MCMBP: variants seen among roughly 807,000 people sequenced by gnomAD.
The protein encoded by MCMBP is minichromosome maintenance complex binding protein.
MCMBP carries 31 observed loss-of-function variants against 81.3 expected under a neutral mutation model. That is an observed-to-expected ratio of 0.38 (90% CI 0.29 to 0.51). MCMBP has a LOEUF of 0.51. Ranked by LOEUF, MCMBP falls within the 20% of genes least tolerant of loss-of-function variation. MCMBP has a pLI of 0.87. For synonymous variants in MCMBP, 267 were observed against 275.9 expected, an observed-to-expected ratio of 0.97 and a Z score of 0.32; for missense variants, 645 against 772.1, an observed-to-expected ratio of 0.84 and a Z score of 1.95.
chr10:119,869,852 T>C (rs578192806), intron 1 of MCMBP, among the ~76,000 whole-genome samples: 1 of 152,308 alleles, frequency 6.6e-6, no homozygotes, highest in East Asian at 1.9e-4. Context: ...TAGCATCACA[T>C]ACTAAAAAGC....
chr10:119,867,585 A>G, intron 1 of MCMBP, among the ~76,000 whole-genome samples: 1 of 152,146 alleles, frequency 6.6e-6, no homozygotes, highest in East Asian at 1.9e-4. Context: ...ATGTTGTGCC[A>G]ATCAGATTTT....
In MCMBP at chr10:119,831,340, C is replaced by A. The variant is rs1460629070; in HGVS notation, c.*134G>T. 9.5e-7 allele frequency: 1 copy of A among 1,054,718 alleles called. No homozygotes were observed. Among genetic ancestry groups the A allele is most frequent in the Non-Finnish European group, 1.4e-6 (1 of 728,520 alleles). 65.3% of individuals were successfully genotyped at this position (1,054,718 alleles called of 1,614,324 possible). On this transcript the variant is annotated 3_prime_UTR_variant, in exon 16 of 16. Transcript: ENST00000369077. Reference sequence around the variant, plus strand: ...AATATCATATAAACATCAGGTGTTACCAGGCTTGATTTCAGGAAATGTCAC... The same window carrying A: ...AATATCATATAAACATCAGGTGTTAACAGGCTTGATTTCAGGAAATGTCAC...
At chr10:119,840,606 G>A (rs12411369) in intron 11 of MCMBP, among the ~76,000 whole-genome samples, 1 of 152,304 alleles carries the variant, frequency 6.6e-6, no homozygotes, top group East Asian at 1.9e-4. Flanking sequence ...AATTTTAAGG[G>A]AGTTACTACA....
chr10:119,858,576 T>G (rs1187604380), intron 4 of MCMBP, among the ~76,000 whole-genome samples: 2 of 152,172 alleles, frequency 1.3e-5, no homozygotes, highest in African/African-American at 4.8e-5. Context: ...TACCATTGGC[T>G]TTGTCTTTGA....
At position 119,831,998 on chromosome 10, in the gene MCMBP, C is replaced by G. The variant is rs777356587; in HGVS notation, c.1796+14G>C. The G allele has an allele frequency of 6.2e-7, 1 of 1,603,028 alleles. No homozygotes were observed. The highest frequency in any genetic ancestry group is 8.5e-7 in the Non-Finnish European group (1 of 1,175,464). ...AGCTTACCGAAACAGCAATAATGGA[C>G]GTGCGCCACTTACCGAGCCACCACG... is the stretch of plus-strand genomic sequence containing the variant. On this transcript the variant is annotated intron_variant, in intron 15 of 15. Coordinates refer to ENST00000369077, the MANE Select transcript of MCMBP (RefSeq NM_001256378.2).
At position 119,867,091 on chromosome 10, in the gene MCMBP, G is replaced by A. The variant is rs996204710; in HGVS notation, c.58+5436C>T. Among the ~76,000 whole-genome samples, 26 of 151,804 alleles carry A rather than the reference G, an allele frequency of 1.7e-4. No individual in the cohort carries two copies. The East Asian group carries it at 4.9e-3, about 29-fold the overall frequency. On this transcript the variant is annotated intron_variant, in intron 1 of 15. Transcript: ENST00000369077. ...GTGGATCACGAGGGCAGAGGAGGTC[G>A]AGACCATCCTGGCCAACACGGTGAA...
chr10:119,871,101 T>G (rs1037575784), intron 1 of MCMBP, among the ~76,000 whole-genome samples: 1 of 152,170 alleles, frequency 6.6e-6, no homozygotes, highest in African/African-American at 2.4e-5. Context: ...CTAATATTAG[T>G]AACTGAAATT....
rs1851978619 is a variant in MCMBP at position 119,830,447 on chromosome 10, G to A, written c.*1027C>T. ...AGATGTTAGCTGATCTAACATACTT[G>A]GAACCAACTGATGATCCCATAAAAA... is the stretch of plus-strand genomic sequence containing the variant. On this transcript the variant is annotated 3_prime_UTR_variant, in exon 16 of 16. Transcript: ENST00000369077. The A allele has an allele frequency of 6.6e-6, 1 of 152,128 alleles. No individual in the cohort carries two copies. The highest frequency in any genetic ancestry group is 2.4e-5 in the African/African-American group (1 of 41,426). The allele number at this position is 152,128 out of a possible 1,614,324, so 9.4% of individuals were successfully genotyped here. A position where few individuals can be genotyped will look rare whatever the true frequency, so the allele number is the denominator to read the frequency against.
At chr10:119,833,440 G>A (rs896886272) in intron 14 of MCMBP, among the ~76,000 whole-genome samples, 1 of 146,934 alleles carries the variant, frequency 6.8e-6, no homozygotes, top group African/African-American at 2.5e-5. Context: ...GCCAGGAGTT[G>A]ACCAGCCTAG....
At chr10:119,871,202 T>A (rs542606275) in intron 1 of MCMBP, among the ~76,000 whole-genome samples, 1 of 152,230 alleles carries the variant, frequency 6.6e-6, no homozygotes, top group African/African-American at 2.4e-5. Flanking sequence ...AATGCTACAA[T>A]TGAATCTTCA....
rs746632629 is a variant in MCMBP at position 119,859,199 on chromosome 10, AAGTC to A, written c.145-22_145-19del. 3 of 1,608,370 alleles carry A rather than the reference AAGTC, an allele frequency of 1.9e-6. No homozygotes were observed. The highest frequency in any genetic ancestry group is 4.5e-5 in the East Asian group (2 of 44,818). The stretch of plus-strand genomic sequence containing the variant: ...GATGGTACCTTAAAGGAAAATAATC[AAGTC>A]AGTCAACTAAATATCCTGTCTATAC... On this transcript the variant is annotated intron_variant, in intron 2 of 15. Transcript: ENST00000369077.
intron 1 of MCMBP, among the ~76,000 whole-genome samples, chr10:119,863,482 A>G (rs1465726321): frequency 6.6e-6 from 1 of 152,174 alleles, no homozygotes; most frequent in African/African-American, 2.4e-5. Context: ...CTGTAATCCC[A>G]GCACTTTGGG....
chr10:119,838,559 C>T lies in MCMBP; in HGVS notation c.1384G>A (p.Glu462Lys), dbSNP rs368405799. 1 of 1,613,912 alleles carries T rather than the reference C, an allele frequency of 6.2e-7. No homozygotes were observed. Among genetic ancestry groups the T allele is most frequent in the African/African-American group, 1.3e-5 (1 of 74,898 alleles). ...TSLVIDETLL[E>K]QGQLDTPGVH... ...CCTGGGGTATCCAGCTGCCCCTGTTCCAGGAGAGTCTCATCGATTACAAGG... is the reference window on the plus strand; with the variant it reads ...CCTGGGGTATCCAGCTGCCCCTGTTTCAGGAGAGTCTCATCGATTACAAGG... The change falls in exon 12 of 16, where the codon GAA becomes AAA. Residue 462 changes from glutamate to lysine, a missense_variant. Glu to Lys is a moderately conservative substitution (Grantham distance 56). Transcript: ENST00000369077.
intron 11 of MCMBP, among the ~76,000 whole-genome samples, chr10:119,839,211 A>G (rs1337634727): frequency 3.9e-5 from 6 of 152,216 alleles, no homozygotes; most frequent in Non-Finnish European, 8.8e-5. Context: ...TGCAGCTCTC[A>G]GGAGGTGCCT....
chr10:119,858,855 A>C, intron 4 of MCMBP, 29 bp downstream of exon 4: 1 of 1,509,080 alleles, frequency 6.6e-7, no homozygotes, highest in Non-Finnish European at 9.0e-7. Flanking sequence ...TCTTACTAAA[A>C]ATGTTTCATA....
chr10:119,831,980 C>G, intron 15 of MCMBP, 32 bp downstream of exon 15: 1 of 1,578,870 alleles, frequency 6.3e-7, no homozygotes, highest in Non-Finnish European at 8.6e-7. Context: ...ACAAGCTTAC[C>G]GAAACAGCAA....
In MCMBP at chr10:119,872,843, T is replaced by C. The variant is rs942151647; in HGVS notation, c.-259A>G. On this transcript the variant is annotated 5_prime_UTR_variant, in exon 1 of 16. Transcript: ENST00000369077. ...GGCCCCTAGCCTTCACTTCGCACAA[T>C]GGCGGGAAATAGCCGCCGCCGACCG... is the stretch of plus-strand genomic sequence containing the variant. 6.3e-6 allele frequency: 1 copy of C among 159,562 alleles called. No individual in the cohort carries two copies. Among genetic ancestry groups the C allele is most frequent in the Non-Finnish European group, 1.4e-5 (1 of 73,412 alleles). 9.9% of individuals were successfully genotyped at this position (159,562 alleles called of 1,614,324 possible).
intron 5 of MCMBP, among the ~76,000 whole-genome samples, chr10:119,854,679 G>A (rs185495302): frequency 1.3e-5 from 2 of 151,954 alleles, no homozygotes; most frequent in African/African-American, 2.4e-5. Context: ...ATTGCTGGCC[G>A]GGCATAGTGG....
chr10:119,871,365 A>G (rs1047646555), intron 1 of MCMBP, among the ~76,000 whole-genome samples: 4 of 151,862 alleles, frequency 2.6e-5, no homozygotes, highest in African/African-American at 9.7e-5. Flanking sequence ...TTCAAGTATG[A>G]AGGTAGTTTT....
Sources: allele counts gnomAD v4.1 joint callset (sites outside exome capture counted in the v4.1 genomes callset), GRCh38; gene constraint gnomAD v4.1.1; transcripts MANE v1.5; gene names NCBI Gene and HGNC (gene_info 2026-07-23, HGNC 2026-07-21).